Variants in GAREM1 observed in about 807,000 individuals in gnomAD.
GAREM1 encodes the protein GRB2 associated regulator of MAPK1 subtype 1, also known as GRB2-associated and regulator of MAPK protein 1.
In GAREM1, 26 loss-of-function variants were observed where a neutral mutation model predicts 71.3. The ratio of observed to expected loss-of-function variants is 0.36; its 90% confidence interval spans 0.27 to 0.51. GAREM1 has a LOEUF of 0.51. Ranked by LOEUF, GAREM1 falls within the 20% of genes least tolerant of loss-of-function variation. The pLI, the probability that GAREM1 is intolerant of heterozygous loss-of-function variation, is 0.95. For missense variants in GAREM1, 1,026 were observed against 1,103.1 expected (o/e 0.93, Z 0.99); for synonymous variants, 440 against 433.2 (o/e 1.02, Z -0.20).
chr18:32,265,985 T>C lies in GAREM1; in HGVS notation c.*1886A>G, dbSNP rs572970362. On this transcript the variant is annotated 3_prime_UTR_variant, in exon 6 of 6. Coordinates refer to ENST00000269209, the MANE Select transcript of GAREM1 (RefSeq NM_001242409.2). ...AAACACGAAAGCTTCATAGGTCTCA[T>C]GTCCTGTGAGTGCAGTACCAGCACT... is the stretch of plus-strand genomic sequence containing the variant. The C allele has an allele frequency of 3.3e-5, 5 of 152,328 alleles. No homozygotes were observed. The highest frequency in any genetic ancestry group is 3.9e-4 in the East Asian group (2 of 5,176). 9.4% of individuals were successfully genotyped at this position (152,328 alleles called of 1,614,324 possible).
chr18:32,440,118 A>C (rs1185104586), intron 1 of GAREM1, among the ~76,000 whole-genome samples: 2 of 152,232 alleles, frequency 1.3e-5, no homozygotes, highest in Non-Finnish European at 2.9e-5. Flanking sequence ...ATTGTTTATT[A>C]GCTTATTTAA....
At chr18:32,390,406 C>CAG (rs2048184473) in intron 2 of GAREM1, among the ~76,000 whole-genome samples, 1 of 152,168 alleles carries the variant, frequency 6.6e-6, no homozygotes, top group Admixed American at 6.5e-5. Context: ...TTAGAACATT[C>CAG]AGACACTCAT....
intron 2 of GAREM1, among the ~76,000 whole-genome samples, chr18:32,381,145 C>T (rs1321584471): frequency 6.6e-6 from 1 of 152,046 alleles, no homozygotes; most frequent in East Asian, 1.9e-4. Flanking sequence ...TAATCTTTTA[C>T]TCCAAATACA....
chr18:32,322,363 T>C (rs11874036), intron 2 of GAREM1, among the ~76,000 whole-genome samples: 17,439 of 152,126 alleles, frequency 0.11, 1,606 homozygotes, highest in African/African-American at 0.26. Flanking sequence ...CACGCTAAAA[T>C]CCATCTAGAT....
intron 3 of GAREM1, among the ~76,000 whole-genome samples, chr18:32,307,977 T>C (rs1254096148): frequency 6.6e-6 from 1 of 152,358 alleles, no homozygotes; most frequent in East Asian, 1.9e-4. Context: ...TGTATTTCTT[T>C]ATGTAAATTT....
chr18:32,430,495 G>A (rs2048613294), intron 1 of GAREM1, among the ~76,000 whole-genome samples: 1 of 152,194 alleles, frequency 6.6e-6, no homozygotes, highest in Non-Finnish European at 1.5e-5. Context: ...GGAAGGAAGG[G>A]AGTCTCAGTC....
chr18:32,393,390 T>C (rs933632748), intron 1 of GAREM1, among the ~76,000 whole-genome samples: 3 of 152,196 alleles, frequency 2.0e-5, no homozygotes, highest in Non-Finnish European at 2.9e-5. Flanking sequence ...CTATTTCATG[T>C]AATAAGATAA....
chr18:32,470,242 C>T lies in GAREM1; in HGVS notation c.121+66G>A, dbSNP rs1177596122. The T allele has an allele frequency of 1.0e-5, 14 of 1,376,054 alleles. No individual in the cohort carries two copies. The highest frequency in any genetic ancestry group is 1.3e-5 in the Non-Finnish European group (14 of 1,053,992). The allele number at this position is 1,376,054 out of a possible 1,614,324, so 85.2% of individuals were successfully genotyped here. A position where few individuals can be genotyped will look rare whatever the true frequency, so the allele number is the denominator to read the frequency against. On this transcript the variant is annotated intron_variant, in intron 1 of 5. Transcript: ENST00000269209. The surrounding 1 kb of genome is among the most constrained non-coding windows in gnomAD (Gnocchi z 4.4). ...CGCGGGTCCCACCCTCTCCAGCACA[C>T]GCGCGCACACCCGCGTGGAGACGGC...
At chr18:32,289,427 T>C (rs970511949) in intron 3 of GAREM1, among the ~76,000 whole-genome samples, 1 of 152,200 alleles carries the variant, frequency 6.6e-6, no homozygotes, top group African/African-American at 2.4e-5. Flanking sequence ...ATATATTTAT[T>C]GGTATATTCA....
intron 3 of GAREM1, among the ~76,000 whole-genome samples, chr18:32,303,462 A>G (rs1598944844): frequency 6.6e-6 from 1 of 152,194 alleles, no homozygotes; most frequent in East Asian, 1.9e-4. Context: ...TATTGGGCTG[A>G]GTTTGAAAGG....
At chr18:32,336,206 G>A (rs1269145058) in intron 2 of GAREM1, among the ~76,000 whole-genome samples, 9 of 152,026 alleles carry the variant, frequency 5.9e-5, no homozygotes, top group Admixed American at 1.3e-4. Context: ...CGAGACGGGC[G>A]GATCATGAGG....
intron 2 of GAREM1, among the ~76,000 whole-genome samples, chr18:32,343,264 G>A (rs1375534969): frequency 6.7e-6 from 1 of 149,898 alleles, no homozygotes; most frequent in African/African-American, 2.5e-5. Flanking sequence ...CCGTCACTGA[G>A]AATCTTCAAG....
At chr18:32,364,395 C>A (rs1188151623) in intron 2 of GAREM1, among the ~76,000 whole-genome samples, 1 of 151,972 alleles carries the variant, frequency 6.6e-6, no homozygotes, top group Non-Finnish European at 1.5e-5. Flanking sequence ...ACCGCTCCGC[C>A]CCTACCCACA....
At position 32,470,867 on chromosome 18, in the gene GAREM1, G is replaced by C. The variant is rs1427297250; in HGVS notation, c.-439C>G. ...CGGGTCTGAGAAACGCCATAGCAGC[G>C]CTCCCAGCACTGACTAATCAACAAG... On this transcript the variant is annotated 5_prime_UTR_variant, in exon 1 of 6. Coordinates refer to ENST00000269209, the MANE Select transcript of GAREM1 (RefSeq NM_001242409.2). The surrounding 1 kb of genome is among the most constrained non-coding windows in gnomAD (Gnocchi z 4.4). Among the ~76,000 whole-genome samples the C allele has an allele frequency of 6.6e-6, 1 of 150,704 alleles. No individual in the cohort carries two copies. Among genetic ancestry groups the C allele is most frequent in the East Asian group, 2.0e-4 (1 of 5,122 alleles).
intron 1 of GAREM1, among the ~76,000 whole-genome samples, chr18:32,431,018 T>C (rs2048619544): frequency 6.6e-6 from 1 of 152,100 alleles, no homozygotes; most frequent in South Asian, 2.1e-4. Context: ...ATGAATCCCT[T>C]TGTAGGAAAG....
chr18:32,415,402 AAAAC>A (rs141783432), intron 1 of GAREM1, among the ~76,000 whole-genome samples: 11,257 of 152,012 alleles, frequency 0.074, 418 homozygotes, highest in African/African-American at 0.09. Flanking sequence ...AAGGCACATC[AAAAC>A]AAACAAACAA....
At chr18:32,396,526 C>T (rs941324366) in intron 1 of GAREM1, among the ~76,000 whole-genome samples, 26 of 152,020 alleles carry the variant, frequency 1.7e-4, no homozygotes, top group Non-Finnish European at 2.6e-4. Flanking sequence ...CTTCAGTAGC[C>T]GATGCGATCA....
intron 3 of GAREM1, 86 bp from the exon 4 acceptor site, chr18:32,288,289 C>T (rs565978212): frequency 3.8e-6 from 4 of 1,065,426 alleles, no homozygotes; most frequent in South Asian, 1.7e-5. Flanking sequence ...CACAAATACA[C>T]ACACAGAGGA....
At chr18:32,453,344 C>T (rs1369896171) in intron 1 of GAREM1, among the ~76,000 whole-genome samples, 1 of 152,118 alleles carries the variant, frequency 6.6e-6, no homozygotes, top group Non-Finnish European at 1.5e-5. Context: ...CACAGCCAAA[C>T]CATACCACTG....
Sources: allele counts gnomAD v4.1 joint callset (sites outside exome capture counted in the v4.1 genomes callset), GRCh38; gene constraint gnomAD v4.1.1; non-coding constraint Gnocchi (gnomAD v3.1); transcripts MANE v1.5; gene names NCBI Gene and HGNC (gene_info 2026-07-23, HGNC 2026-07-21).